The following PANX2 variants were observed in gnomAD, a reference collection of about 807,000 sequenced individuals.
The protein encoded by PANX2 is pannexin-2.
PANX2 carries 30 observed loss-of-function variants against 38.7 expected under a neutral mutation model. The ratio of observed to expected loss-of-function variants is 0.78; its 90% CI spans 0.58 to 1.05. PANX2 has a LOEUF of 1.05. PANX2 is among the 50% of genes least tolerant of loss of function. The probability of loss-of-function intolerance (pLI) is 0.00; values close to 1 mark genes in which losing one functional copy is unlikely to be tolerated. For synonymous variants in PANX2, 539 were observed against 472.1 expected (o/e 1.14, Z -1.84); for missense variants, 880 against 979.3 (o/e 0.90, Z 1.35).
At position 50,178,936 on chromosome 22, in the gene PANX2, G is replaced by A. The variant is rs1272799223; in HGVS notation, c.1693G>A (p.Ala565Thr). Reference protein sequence around the residue: ...LGLAPAPIKDAPLPEKEIPYP... With the variant: ...LGLAPAPIKDTPLPEKEIPYP... Reference sequence around the variant, plus strand: ...TCTGTGCTCTTGGCTGTTTGCAGATGCTCCGCTCCCCGAGAAGGAAATCCC... The same window carrying A: ...TCTGTGCTCTTGGCTGTTTGCAGATACTCCGCTCCCCGAGAAGGAAATCCC... Residue 565 changes from alanine (A) to threonine (T), a missense_variant and splice_region_variant, in exon 3 of 3, where the codon GCT becomes ACT. Around this residue, in one of 4 missense-constraint regions of PANX2, gnomAD observed 445 missense variants for 404.3 expected, o/e 1.10. Coordinates refer to ENST00000395842, the MANE Select transcript of PANX2 (RefSeq NM_052839.4). 4 of 1,565,258 alleles carry A rather than the reference G, an allele frequency of 2.6e-6. No homozygotes were observed. The African/African-American group carries it at 5.5e-5, about 21-fold the overall frequency.
In PANX2 at chr22:50,170,898, C is replaced by T. The variant is rs529017295; in HGVS notation, c.168C>T (p.Ile56=). 1.3e-4 allele frequency: 198 copies of T among 1,523,736 alleles called. 1 individual carries two copies. In the South Asian group the frequency reaches 2.3e-3, roughly 18 times the overall value. The allele number at this position is 1,523,736 out of a possible 1,614,324, so 94.4% of individuals were successfully genotyped here. The change falls in exon 1 of 3, where the codon ATC becomes ATT. Residue 56 remains isoleucine, a synonymous_variant. Transcript: ENST00000395842. ...TGCCGTTCGACCGGGTGGTCACCAT[C>T]GGCACCGTGCTGGTGCCCATCCTGC... ...LELPFDRVVT[I]GTVLVPILLV... is the part of the protein sequence containing the mutation.
At chr22:50,175,452 T>G in intron 1 of PANX2, 1 of 1,300,724 alleles carries the variant, frequency 7.7e-7, no homozygotes, top group African/African-American at 1.5e-5. Context: ...CTTCTCTGGC[T>G]CCTGGGATTG....
chr22:50,177,210 C>T lies in PANX2; in HGVS notation c.498C>T (p.His166=), dbSNP rs1476701887. 1.2e-6 allele frequency: 2 copies of T among 1,610,630 alleles called. No individual in the cohort carries two copies. Among genetic ancestry groups the T allele is most frequent in the Non-Finnish European group, 1.7e-6 (2 of 1,179,034 alleles). The change falls in exon 2 of 3, where the codon CAC becomes CAT. Residue 166 remains histidine, a synonymous_variant. Coordinates refer to ENST00000395842, the MANE Select transcript of PANX2 (RefSeq NM_052839.4). ...FLLQEIDNCY[H]RAAEGRAPKI... ...TGCAGGAGATCGACAACTGTTACCA[C>T]CGGGCGGCCGAGGGCCGCGCGCCCA... is the stretch of plus-strand genomic sequence containing the variant.
At chr22:50,174,354 CG>C (rs552654751) in intron 1 of PANX2, among the ~76,000 whole-genome samples, 138 of 60,576 alleles carry the variant, frequency 2.3e-3, no homozygotes, top group African/African-American at 7.9e-3. Context: ...GGGGGAGGGC[CG>C]GGGGGGCTGG....
At position 50,177,269 on chromosome 22, in the gene PANX2, G is replaced by A; in HGVS notation, c.557G>A (p.Gly186Asp). ...IEKQIQSKGPGITEREKREII... is the reference protein window; with the variant it reads ...IEKQIQSKGPDITEREKREII... ...AAGCAGATCCAGTCCAAGGGCCCGGGCATCACGGAGCGCGAGAAGCGCGAG... is the reference window on the plus strand; with the variant it reads ...AAGCAGATCCAGTCCAAGGGCCCGGACATCACGGAGCGCGAGAAGCGCGAG... The change falls in exon 2 of 3, where the codon GGC (glycine) becomes GAC (aspartate). Residue 186 changes from glycine (G) to aspartate (D), a missense_variant. Coordinates refer to ENST00000395842, the MANE Select transcript of PANX2 (RefSeq NM_052839.4). 1 of 1,612,278 alleles carries A rather than the reference G, an allele frequency of 6.2e-7. No individual in the cohort carries two copies. The highest frequency in any genetic ancestry group is 8.5e-7 in the Non-Finnish European group (1 of 1,179,740).
At position 50,173,309 on chromosome 22, in the gene PANX2, A is replaced by C. The variant is rs144344604; in HGVS notation, c.226+2353A>C. On this transcript the variant is annotated intron_variant, in intron 1 of 2. Transcript: ENST00000395842. ...CGGCCTCCCAAATTGCTGGGATTAC[A>C]GGCATGAGCCACCGCACCCGGCCCA... Among the ~76,000 whole-genome samples, 734 of 152,370 alleles carry C rather than the reference A, an allele frequency of 4.8e-3. 6 individuals are homozygous for C. Among genetic ancestry groups the C allele is most frequent in the African/African-American group, 0.017 (692 of 41,586 alleles).
chr22:50,179,399 C>A lies in PANX2; in HGVS notation c.*122C>A. 2 of 881,024 alleles carry A rather than the reference C, an allele frequency of 2.3e-6. No homozygotes were observed. Among genetic ancestry groups the A allele is most frequent in the South Asian group, 3.3e-5 (2 of 60,278 alleles). 54.6% of individuals were successfully genotyped at this position (881,024 alleles called of 1,614,324 possible). ...GTGCTTCGCCCGCACTGCGCGCATC[C>A]CCAACCTCTGTCCGCATGCCTGGGG... On this transcript the variant is annotated 3_prime_UTR_variant, in exon 3 of 3. Transcript: ENST00000395842.
Position 50,179,164 on chromosome 22 carries a change from G to A in PANX2, c.1921G>A (p.Gly641Ser), listed in dbSNP as rs746097338. ...LYEAREEEDG[G>S]PRLPQDVGDL... ...CGAGGCCCGGGAGGAGGAGGACGGG[G>A]GCCCCCGCCTGCCGCAGGACGTGGG... Residue 641 changes from glycine to serine, a missense_variant, in exon 3 of 3, where the codon GGC becomes AGC. This residue lies in a region of PANX2 where 445 missense variants were observed against 404.3 expected (regional missense o/e 1.10). Transcript: ENST00000395842. The A allele has an allele frequency of 6.2e-7, 1 of 1,612,262 alleles. No homozygotes were observed. Among genetic ancestry groups the A allele is most frequent in the African/African-American group, 1.3e-5 (1 of 74,934 alleles).
intron 1 of PANX2, among the ~76,000 whole-genome samples, chr22:50,173,268 G>C (rs1323586479): frequency 6.7e-6 from 1 of 149,802 alleles, no homozygotes; most frequent in Admixed American, 6.6e-5. Context: ...CCTGATCTCA[G>C]GTGATCCGCC....
Position 50,177,951 on chromosome 22 carries a change from G to A in PANX2, c.1239G>A (p.Glu413=), listed in dbSNP as rs969631441. The A allele has an allele frequency of 6.5e-7, 1 of 1,532,474 alleles. No individual in the cohort carries two copies. Among genetic ancestry groups the A allele is most frequent in the African/African-American group, 1.4e-5 (1 of 72,424 alleles). 94.9% of individuals were successfully genotyped at this position (1,532,474 alleles called of 1,614,324 possible). ...TGGACCCCAGCGCCAACCCCGCCGA[G>A]CCCGACGGCGCCGCCGAGCCGCCCG... ...QTVDPSANPA[E]PDGAAEPPVV... Residue 413 remains glutamate (E), a synonymous_variant, in exon 2 of 3, where the codon GAG becomes GAA. Coordinates refer to ENST00000395842, the MANE Select transcript of PANX2 (RefSeq NM_052839.4).
rs2147064254 is a variant in PANX2 at position 50,178,202 on chromosome 22, C to CA, written c.1490_1491insA (p.Ala498CysfsTer9). 12 of 1,456,102 alleles carry CA rather than the reference C, an allele frequency of 8.2e-6. No individual in the cohort carries two copies. Among genetic ancestry groups the CA allele is most frequent in the South Asian group, 2.8e-5 (2 of 71,832 alleles). The allele number at this position is 1,456,102 out of a possible 1,614,324, so 90.2% of individuals were successfully genotyped here. ...GGCGACCCGGGCCCCGGCCCCGCCC[C>CA]TGCCCCCGCCCCGCCGCCCGCCCCT... On this transcript the variant is annotated frameshift_variant, in exon 2 of 3. Coordinates refer to ENST00000395842, the MANE Select transcript of PANX2 (RefSeq NM_052839.4). LOFTEE classifies it high-confidence loss of function.
At chr22:50,172,208 G>A (rs1403401918) in intron 1 of PANX2, among the ~76,000 whole-genome samples, 3 of 152,224 alleles carry the variant, frequency 2.0e-5, no homozygotes, top group Non-Finnish European at 4.4e-5. Context: ...CGCAAACTAG[G>A]CAGTTTCAAA....
chr22:50,179,424 G>A lies in PANX2; in HGVS notation c.*147G>A. On this transcript the variant is annotated 3_prime_UTR_variant, in exon 3 of 3. Transcript: ENST00000395842. ...CCCAACCTCTGTCCGCATGCCTGGG[G>A]CCTTCGCCCCCACGTGCTCGACAGG... 1.4e-6 allele frequency: 1 copy of A among 727,958 alleles called. No individual in the cohort carries two copies. Among genetic ancestry groups the A allele is most frequent in the Non-Finnish European group, 2.2e-6 (1 of 451,304 alleles). The allele number at this position is 727,958 out of a possible 1,614,324, so 45.1% of individuals were successfully genotyped here.
chr22:50,171,237 G>T (rs1184225066), intron 1 of PANX2, among the ~76,000 whole-genome samples: 1 of 152,212 alleles, frequency 6.6e-6, no homozygotes, highest in Non-Finnish European at 1.5e-5. Context: ...GGTCCCAAAT[G>T]TCATGAGACA....
intron 1 of PANX2, among the ~76,000 whole-genome samples, chr22:50,172,290 C>T (rs1228477723): frequency 2.6e-5 from 4 of 152,220 alleles, no homozygotes; most frequent in African/African-American, 7.2e-5. Flanking sequence ...GGCCCTGCTC[C>T]CTCCCACAGC....
At position 50,177,890 on chromosome 22, in the gene PANX2, C is replaced by T. The variant is rs2063671835; in HGVS notation, c.1178C>T (p.Ala393Val). The change falls in exon 2 of 3, where the codon GCC (alanine) becomes GTC (valine). Residue 393 changes from alanine (A) to valine (V), a missense_variant. This residue lies in a region of PANX2 where 78 missense variants were observed against 133.1 expected (regional missense o/e 0.59). Transcript: ENST00000395842. Reference protein sequence around the residue: ...LAALAQSNHDATPTVRDSGVQ... With the variant: ...LAALAQSNHDVTPTVRDSGVQ... Reference sequence around the variant, plus strand: ...GCGCTGGCGCAGTCCAACCACGACGCCACCCCCACGGTGCGCGACTCGGGG... The same window carrying T: ...GCGCTGGCGCAGTCCAACCACGACGTCACCCCCACGGTGCGCGACTCGGGG... 1 of 1,540,948 alleles carries T rather than the reference C, an allele frequency of 6.5e-7. No homozygotes were observed. Among genetic ancestry groups the T allele is most frequent in the South Asian group, 1.2e-5 (1 of 85,628 alleles).
At position 50,176,981 on chromosome 22, in the gene PANX2, AC is replaced by A; in HGVS notation, c.271del (p.Gln91ArgfsTer143). On this transcript the variant is annotated frameshift_variant, in exon 2 of 3. Coordinates refer to ENST00000395842, the MANE Select transcript of PANX2 (RefSeq NM_052839.4). LOFTEE classifies it high-confidence loss of function. ...YCYTPHNFTR[D>X]QALYARGYCW... ...TACACCCCGCACAACTTCACGCGCGACCAGGCGCTGTACGCCCGCGGCTACT... is the reference window on the plus strand; with the variant it reads ...TACACCCCGCACAACTTCACGCGCGACAGGCGCTGTACGCCCGCGGCTACT... 1 of 1,578,006 alleles carries A rather than the reference AC, an allele frequency of 6.3e-7. No homozygotes were observed. The highest frequency in any genetic ancestry group is 8.6e-7 in the Non-Finnish European group (1 of 1,168,520).
chr22:50,173,329 G>A (rs12167165), intron 1 of PANX2, among the ~76,000 whole-genome samples: 279 of 152,342 alleles, frequency 1.8e-3, no homozygotes, highest in African/African-American at 6.4e-3. Context: ...CACCGCACCC[G>A]GCCCAACTTT....
intron 1 of PANX2, 89 bp downstream of exon 1, chr22:50,171,045 C>T (rs2063626993): frequency 1.7e-6 from 1 of 582,186 alleles, no homozygotes; most frequent in African/African-American, 2.0e-5. Context: ...CCCGGCGGCT[C>T]CGTCCAGCCG....
Sources: allele counts gnomAD v4.1 joint callset (sites outside exome capture counted in the v4.1 genomes callset), GRCh38; gene constraint gnomAD v4.1.1; regional missense constraint gnomAD v4.1.1; transcripts MANE v1.5; gene names NCBI Gene and HGNC (gene_info 2026-07-23, HGNC 2026-07-21).